Variants in CCDC33 observed in about 807,000 individuals in gnomAD.
The protein encoded by CCDC33 is coiled-coil domain-containing protein 33.
CCDC33 carries 94 observed loss-of-function variants against 91.9 expected under a neutral mutation model. The ratio of observed to expected loss-of-function variants is 1.02; its 90% CI spans 0.87 to 1.21. The LOEUF is 1.21. CCDC33 is among the 50% of genes most tolerant of loss of function. The pLI is 0.00. For synonymous variants in CCDC33, 396 were observed against 374.5 expected (o/e 1.06, Z -0.66); for missense variants, 940 against 935.5 (o/e 1.00, Z -0.06).
chr15:74,247,203 T>C (rs2075559806), intron 2 of CCDC33, among the ~76,000 whole-genome samples: 1 of 151,948 alleles, frequency 6.6e-6, no homozygotes, highest in Non-Finnish European at 1.5e-5. Flanking sequence ...GTGCAGTGGC[T>C]CATGCCTGTA....
chr15:74,230,794 A>C (rs1344170485), intron 2 of CCDC33, among the ~76,000 whole-genome samples: 1 of 152,198 alleles, frequency 6.6e-6, no homozygotes, highest in African/African-American at 2.4e-5. Context: ...ACCACCCTGC[A>C]CAGAGCCTGC....
At chr15:74,246,885 G>A (rs1475230210) in intron 2 of CCDC33, among the ~76,000 whole-genome samples, 2 of 152,190 alleles carry the variant, frequency 1.3e-5, no homozygotes. Context: ...AGTGGCTCAC[G>A]CCTGTAATCC....
intron 2 of CCDC33, among the ~76,000 whole-genome samples, chr15:74,228,426 C>T (rs1188403434): frequency 6.6e-6 from 1 of 152,246 alleles, no homozygotes; most frequent in African/African-American, 2.4e-5. Flanking sequence ...AAAACGCTGG[C>T]CATTCTCGTG....
chr15:74,319,276 G>A (rs1001193982), intron 11 of CCDC33, among the ~76,000 whole-genome samples: 19 of 152,374 alleles, frequency 1.2e-4, no homozygotes, highest in East Asian at 9.7e-4. Context: ...CAAGGGCCTC[G>A]CTTCGGGTCG....
In CCDC33 at chr15:74,298,873, C is replaced by T. The variant is rs180684630; in HGVS notation, c.1290+2925C>T. ...GATTACAGGCGGGCGCCACCACGCC[C>T]GGCTAATTTTTGTATTTTTAGTAGA... On this transcript the variant is annotated intron_variant, in intron 11 of 18. Transcript: ENST00000398814. Among the ~76,000 whole-genome samples, 397 of 152,128 alleles carry T rather than the reference C, an allele frequency of 2.6e-3. 2 individuals carry two copies. Among genetic ancestry groups the T allele is most frequent in the African/African-American group, 7.4e-3 (305 of 41,492 alleles).
intron 1 of CCDC33, among the ~76,000 whole-genome samples, chr15:74,205,922 C>T (rs1284809343): frequency 2.0e-5 from 3 of 152,232 alleles, no homozygotes; most frequent in Non-Finnish European, 1.5e-5. Context: ...TTGGCCAGGG[C>T]ATAGCTGGAA....
Position 74,228,438 on chromosome 15 carries a change from C to T in CCDC33, c.675+9577C>T, listed in dbSNP as rs149713668. Among the ~76,000 whole-genome samples, 856 of 152,350 alleles carry T rather than the reference C, an allele frequency of 5.6e-3. 3 individuals are homozygous for T. Among genetic ancestry groups the T allele is most frequent in the Non-Finnish European group, 9.7e-3 (661 of 68,042 alleles). ...CACAAAACGCTGGCCATTCTCGTGA[C>T]GCCGAGTGAATGGCAGCTTGCCAGG... On this transcript the variant is annotated intron_variant, in intron 2 of 2. Transcript: ENST00000635913.
At position 74,244,164 on chromosome 15, in the gene CCDC33, A is replaced by C. The variant is rs747988132; in HGVS notation, c.185+16A>C. ...ATGTGGTGGTGTAAGTAGCTGCGTG[A>C]GAGTGGGGGCAGGGGATGGGTTGGG... On this transcript the variant is annotated intron_variant, in intron 2 of 18. Transcript: ENST00000398814. This position sits in a 1 kb window ranked among gnomAD's most constrained non-coding sequence, Gnocchi z 4.2. 2 of 1,600,916 alleles carry C rather than the reference A, an allele frequency of 1.2e-6. No homozygotes were observed. Among genetic ancestry groups the C allele is most frequent in the Non-Finnish European group, 1.7e-6 (2 of 1,171,654 alleles).
intron 10 of CCDC33, among the ~76,000 whole-genome samples, chr15:74,288,158 C>T (rs141071126): frequency 2.6e-5 from 4 of 152,304 alleles, no homozygotes; most frequent in Non-Finnish European, 5.9e-5. Context: ...ATGCCCTCTC[C>T]ATCCTCTACT....
At position 74,284,588 on chromosome 15, in the gene CCDC33, GAAAA is replaced by G. The variant is rs372224863; in HGVS notation, c.1095+2745_1095+2748del. 7.1e-4 allele frequency among the ~76,000 whole-genome samples: 106 copies of G among 150,162 alleles called. 1 individual carries two copies. The East Asian group carries it at 0.015, about 21-fold the overall frequency. On this transcript the variant is annotated intron_variant, in intron 10 of 18. Transcript: ENST00000398814. ...GGAATATTACACTGAAGAAGAAGAAGAAAAAAAAACAATCAGGCCCTGTCTTTCT... is the reference window on the plus strand; with the variant it reads ...GGAATATTACACTGAAGAAGAAGAAGAAAAACAATCAGGCCCTGTCTTTCT...
At chr15:74,266,427 CATG>C (rs2076167257) in intron 3 of CCDC33, among the ~76,000 whole-genome samples, 1 of 152,142 alleles carries the variant, frequency 6.6e-6, no homozygotes, top group Non-Finnish European at 1.5e-5. Context: ...GTTTCTAGAC[CATG>C]GGAGAAAATT....
intron 11 of CCDC33, among the ~76,000 whole-genome samples, chr15:74,299,086 A>G (rs1413911847): frequency 6.6e-6 from 1 of 152,212 alleles, no homozygotes; most frequent in African/African-American, 2.4e-5. Flanking sequence ...CAGCCTGAGC[A>G]TGCTAGGCCG....
intron 1 of CCDC33, among the ~76,000 whole-genome samples, chr15:74,203,719 T>G (rs2074182377): frequency 6.6e-6 from 1 of 152,186 alleles, no homozygotes; most frequent in African/African-American, 2.4e-5. Flanking sequence ...GCCAGATAAC[T>G]AAATCCCCTC....
At chr15:74,302,337 C>T (rs2059811569) in intron 11 of CCDC33, 2 of 152,262 alleles carry the variant, frequency 1.3e-5, no homozygotes, top group African/African-American at 4.8e-5. Context: ...TGGCCTCTCC[C>T]AAGTCCCAGT....
chr15:74,304,951 T>C (rs1273553520), intron 11 of CCDC33, among the ~76,000 whole-genome samples: 1 of 44,842 alleles, frequency 2.2e-5, no homozygotes, highest in Non-Finnish European at 1.1e-4. Flanking sequence ...TTCTTCTTCT[T>C]TTTTTTTTTT....
intron 11 of CCDC33, among the ~76,000 whole-genome samples, chr15:74,309,310 C>T (rs1212088145): frequency 2.0e-5 from 3 of 152,198 alleles, no homozygotes; most frequent in South Asian, 2.1e-4. Flanking sequence ...CCTGTGTTCC[C>T]GGCTCACTCC....
rs751642776 is a variant in CCDC33, at chr15:74,244,838, C to T, written c.185+690C>T. Among the ~76,000 whole-genome samples, 1 of 152,222 alleles carries T rather than the reference C, an allele frequency of 6.6e-6. No homozygotes were observed. The stretch of plus-strand genomic sequence containing the variant: ...TATTTGCTCAATCTTTATTATAAAG[C>T]ACCCTCCAAGGAGCATGTCACCCCT... On this transcript the variant is annotated intron_variant, in intron 2 of 18. Coordinates refer to ENST00000398814, the MANE Select transcript of CCDC33 (RefSeq NM_025055.5). This position sits in a 1 kb window ranked among gnomAD's most constrained non-coding sequence, Gnocchi z 4.2.
chr15:74,280,764 G>C lies in CCDC33; in HGVS notation c.986G>C (p.Gly329Ala). ...TACCAGAAGATGCTGACAGGGAAAG[G>C]CTTGGACGGGCTTCACGTGGAGCGG... ...RLYQKMLTGK[G>A]LDGLHVERLP... The change falls in exon 9 of 19, where the codon GGC becomes GCC. Residue 329 changes from glycine (G) to alanine (A), a missense_variant. Transcript: ENST00000398814. 1 of 1,569,110 alleles carries C rather than the reference G, an allele frequency of 6.4e-7. No individual in the cohort carries two copies. Among genetic ancestry groups the C allele is most frequent in the South Asian group, 1.2e-5 (1 of 84,704 alleles).
chr15:74,330,058 G>C, intron 11 of CCDC33, 131 bp from the exon 12 acceptor site: 1 of 1,046,494 alleles, frequency 9.6e-7, no homozygotes, highest in Non-Finnish European at 1.4e-6. Flanking sequence ...CTAAGACTTA[G>C]GGCCATGGCT....
Sources: gnomAD v4.1 joint callset for allele counts (sites outside exome capture counted in the v4.1 genomes callset) on GRCh38, gnomAD v4.1.1 for gene constraint, Gnocchi (gnomAD v3.1) non-coding constraint, MANE v1.5 for transcripts, NCBI Gene and HGNC (gene_info 2026-07-23, HGNC 2026-07-21) for gene names.